The following TMEM38B variants were observed in gnomAD, a reference collection of about 807,000 sequenced individuals.
TMEM38B encodes the protein transmembrane protein 38B, also known as trimeric intracellular cation channel type B.
Under a neutral mutation model 28.7 loss-of-function variants are expected in TMEM38B, and 24 were observed. The observed-to-expected ratio is 0.84, with a 90% CI of 0.61 to 1.18. The LOEUF is 1.18. Among genes scored for constraint, TMEM38B ranks in the 50% most tolerant of loss-of-function variants. The pLI, the probability that TMEM38B is intolerant of heterozygous loss-of-function variation, is 0.00. For synonymous variants in TMEM38B, 131 were observed against 127.7 expected, an observed-to-expected ratio of 1.03 and a Z score of -0.17; for missense variants, 380 against 350.9, an observed-to-expected ratio of 1.08 and a Z score of -0.66.
At position 105,744,743 on chromosome 9, in the gene TMEM38B, C is replaced by G. The variant is rs541159124; in HGVS notation, c.543-3330C>G. ...TAATGCTATCCCTCCCCATTTCCCC[C>G]ACCCCATGACAGGCCCTGGTGTGTG... On this transcript the variant is annotated intron_variant, in intron 4 of 5. Transcript: ENST00000374692. Among the ~76,000 whole-genome samples, 55 of 152,174 alleles carry G rather than the reference C, an allele frequency of 3.6e-4. No homozygotes were observed. The South Asian group carries it at 0.011, about 30-fold the overall frequency.
chr9:105,759,605 G>A, intron 5 of TMEM38B: 1 of 1,568,450 alleles, frequency 6.4e-7, no homozygotes, highest in East Asian at 2.2e-5. Flanking sequence ...GATGTGTCAG[G>A]GAATTCAAGT....
At chr9:105,715,409 C>T (rs989922581) in intron 2 of TMEM38B, among the ~76,000 whole-genome samples, 4 of 151,958 alleles carry the variant, frequency 2.6e-5, no homozygotes, top group Non-Finnish European at 2.9e-5. Flanking sequence ...TGTTGTGCGA[C>T]AGTATTCTCT....
At chr9:105,732,260 C>G (rs185769501) in intron 4 of TMEM38B, among the ~76,000 whole-genome samples, 3,519 of 152,176 alleles carry the variant, frequency 0.023, 134 homozygotes, top group African/African-American at 0.081. Flanking sequence ...CTGTAGGTTG[C>G]CTGTTCACTC....
In TMEM38B at chr9:105,728,145, A is replaced by G. The variant is rs766153717; in HGVS notation, c.542+5524A>G. Among the ~76,000 whole-genome samples, 11 of 152,274 alleles carry G rather than the reference A, an allele frequency of 7.2e-5. No individual in the cohort carries two copies. In the South Asian group the frequency reaches 8.3e-4, roughly 11 times the overall value. ...TCTAGGGTACATGTGTACAACGTGCAGGTTTGTTACATAGGTATACATGTG... is the reference window on the plus strand; with the variant it reads ...TCTAGGGTACATGTGTACAACGTGCGGGTTTGTTACATAGGTATACATGTG... On this transcript the variant is annotated intron_variant, in intron 4 of 5. Coordinates refer to ENST00000374692, the MANE Select transcript of TMEM38B (RefSeq NM_018112.3).
At chr9:105,699,259 T>A (rs1835383417) in intron 1 of TMEM38B, among the ~76,000 whole-genome samples, 1 of 152,174 alleles carries the variant, frequency 6.6e-6, no homozygotes, top group South Asian at 2.1e-4. Flanking sequence ...CCAACACCAC[T>A]TCTTTTAGAT....
intron 4 of TMEM38B, among the ~76,000 whole-genome samples, chr9:105,735,876 A>T (rs10816308): frequency 0.12 from 17,453 of 151,678 alleles, 1,497 homozygotes; most frequent in East Asian, 0.46. Flanking sequence ...ATTAAAAAAA[A>T]TTTTTTTAGA....
In TMEM38B at chr9:105,694,674, G is replaced by A. The variant is rs1835212231; in HGVS notation, c.14G>A (p.Trp5Ter). 6.2e-7 allele frequency: 1 copy of A among 1,613,842 alleles called. No individual in the cohort carries two copies. Among genetic ancestry groups the A allele is most frequent in the Non-Finnish European group, 8.5e-7 (1 of 1,179,806 alleles). The stretch of plus-strand genomic sequence containing the variant: ...TCGGTGGTCGTTATGGATTCTCCAT[G>A]GGACGAGTTGGCTCTGGCCTTCTCC... MDSP[W>*]DELALAFSRT... The change falls in exon 1 of 6, where the codon TGG (tryptophan) becomes TAG (stop). Residue 5 changes from tryptophan (W) to a stop codon, truncating the protein, a stop_gained. Coordinates refer to ENST00000374692, the MANE Select transcript of TMEM38B (RefSeq NM_018112.3). LOFTEE classifies it high-confidence loss of function.
In TMEM38B at chr9:105,694,654, G is replaced by A; in HGVS notation, c.-7G>A. ...GGCTGCTTCGGTTGCCGCGGTCGGT[G>A]GTCGTTATGGATTCTCCATGGGACG... is the stretch of plus-strand genomic sequence containing the variant. On this transcript the variant is annotated 5_prime_UTR_variant, in exon 1 of 6. Coordinates refer to ENST00000374692, the MANE Select transcript of TMEM38B (RefSeq NM_018112.3). 6.2e-7 allele frequency: 1 copy of A among 1,612,296 alleles called. No individual in the cohort carries two copies.
intron 1 of TMEM38B, among the ~76,000 whole-genome samples, chr9:105,698,002 A>G (rs1285438808): frequency 6.6e-6 from 1 of 152,168 alleles, no homozygotes; most frequent in African/African-American, 2.4e-5. Flanking sequence ...TGATCTCAGC[A>G]GAGTATGCTC....
chr9:105,705,888 A>G (rs1835642970), intron 2 of TMEM38B, 135 bp downstream of exon 2: 1 of 900,138 alleles, frequency 1.1e-6, no homozygotes, highest in Non-Finnish European at 1.6e-6. Context: ...AAGGAACCCA[A>G]ATAATGCTAA....
Position 105,759,515 on chromosome 9 carries a change from A to G in TMEM38B, c.660+11325A>G, listed in dbSNP as rs547871512. 5.7e-6 allele frequency: 9 copies of G among 1,579,224 alleles called. No homozygotes were observed. In the South Asian group the frequency reaches 8.0e-5, roughly 14 times the overall value. ...AATGACATAATGGGAGGAAGCTGTCATAATTTAATAGGGTTAAGTGGTATG... is the reference window on the plus strand; with the variant it reads ...AATGACATAATGGGAGGAAGCTGTCGTAATTTAATAGGGTTAAGTGGTATG... On this transcript the variant is annotated intron_variant, in intron 5 of 5. Transcript: ENST00000374692.
Position 105,721,740 on chromosome 9 carries a change from G to A in TMEM38B, c.454+19G>A, listed in dbSNP as rs765400201. 4 of 1,568,622 alleles carry A rather than the reference G, an allele frequency of 2.6e-6. No homozygotes were observed. The Admixed American group carries it at 7.1e-5, about 28-fold the overall frequency. ...GCCCGAGGTAATATTGACAATATGTGTTCATAAATATTCTGTTGTTGGTGT... is the reference window on the plus strand; with the variant it reads ...GCCCGAGGTAATATTGACAATATGTATTCATAAATATTCTGTTGTTGGTGT... On this transcript the variant is annotated intron_variant, in intron 3 of 5. Coordinates refer to ENST00000374692, the MANE Select transcript of TMEM38B (RefSeq NM_018112.3).
At chr9:105,746,416 C>T (rs1384985290) in intron 4 of TMEM38B, among the ~76,000 whole-genome samples, 6 of 152,122 alleles carry the variant, frequency 3.9e-5, no homozygotes, top group Non-Finnish European at 8.8e-5. Flanking sequence ...GTGATTTTTG[C>T]ACATTGATTT....
intron 4 of TMEM38B, among the ~76,000 whole-genome samples, chr9:105,746,286 C>G (rs990434011): frequency 1.1e-4 from 16 of 152,090 alleles, no homozygotes; most frequent in Admixed American, 5.2e-4. Context: ...TTGAAGAGGT[C>G]CTTCACATCC....
intron 5 of TMEM38B, among the ~76,000 whole-genome samples, chr9:105,752,813 G>A (rs1327080966): frequency 6.6e-6 from 1 of 152,204 alleles, no homozygotes; most frequent in East Asian, 1.9e-4. Flanking sequence ...CTAGGCTGAG[G>A]CTGAGATGCC....
chr9:105,765,679 T>G (rs968149526), intron 5 of TMEM38B, among the ~76,000 whole-genome samples: 2 of 152,254 alleles, frequency 1.3e-5, no homozygotes, highest in South Asian at 4.1e-4. Flanking sequence ...GTTTTTCCAG[T>G]TATCTGTTGA....
Position 105,759,934 on chromosome 9 carries a change from C to T in TMEM38B, c.660+11744C>T, listed in dbSNP as rs550094090. 404 of 1,586,898 alleles carry T rather than the reference C, an allele frequency of 2.5e-4. 5 individuals carry two copies. In the South Asian group the frequency reaches 4.2e-3, roughly 17 times the overall value. ...AATGATCATGAAACCAAATGTTGGA[C>T]AAAGCAGCACAAGTGTGCAAACAGC... is the stretch of plus-strand genomic sequence containing the variant. On this transcript the variant is annotated intron_variant, in intron 5 of 5. Coordinates refer to ENST00000374692, the MANE Select transcript of TMEM38B (RefSeq NM_018112.3).
At chr9:105,759,404 G>C in intron 5 of TMEM38B, 1 of 1,523,816 alleles carries the variant, frequency 6.6e-7, no homozygotes. Flanking sequence ...TCTACTGAGA[G>C]ACTACGGATA....
intron 4 of TMEM38B, among the ~76,000 whole-genome samples, chr9:105,735,524 T>C (rs1836940644): frequency 6.6e-6 from 1 of 152,216 alleles, no homozygotes; most frequent in Admixed American, 6.5e-5. Flanking sequence ...GGTCTTTATG[T>C]AACCTTAATT....
Sources: gnomAD v4.1 joint callset for allele counts (sites outside exome capture counted in the v4.1 genomes callset) on GRCh38, gnomAD v4.1.1 for gene constraint, MANE v1.5 for transcripts, NCBI Gene and HGNC (gene_info 2026-07-23, HGNC 2026-07-21) for gene names.